Variants in HYKK observed in about 807,000 individuals in gnomAD.
HYKK encodes the protein hydroxylysine kinase, also known as 5-hydroxy-L-lysine kinase.
A neutral mutation model predicts 29.7 loss-of-function variants in HYKK; 19 were observed. That is an observed-to-expected ratio of 0.64 (90% confidence interval 0.45 to 0.94). The LOEUF is 0.94. Among genes scored for constraint, HYKK ranks in the 40% least tolerant of loss-of-function variants. The pLI is 0.00. For missense variants in HYKK, 390 were observed against 443.4 expected, an observed-to-expected ratio of 0.88 and a Z score of 1.08; for synonymous variants, 152 against 158.1, an observed-to-expected ratio of 0.96 and a Z score of 0.29.
At chr15:78,509,054 A>C (rs9672189) in intron 1 of HYKK, among the ~76,000 whole-genome samples, 6,590 of 152,054 alleles carry the variant, frequency 0.043, 470 homozygotes, top group African/African-American at 0.15. Flanking sequence ...AAAAACAAAA[A>C]AAAAAAAATT....
At chr15:78,526,939 T>C (rs1420221380) in intron 3 of HYKK, among the ~76,000 whole-genome samples, 1 of 152,118 alleles carries the variant, frequency 6.6e-6, no homozygotes, top group Non-Finnish European at 1.5e-5. Flanking sequence ...AGCACATCTC[T>C]TGTGACAGTG....
intron 1 of HYKK, among the ~76,000 whole-genome samples, chr15:78,512,349 A>G (rs2052081271): frequency 6.6e-6 from 1 of 151,638 alleles, no homozygotes. Context: ...GGACATAATC[A>G]TGGATTAGAA....
chr15:78,532,477 A>T (rs1445287171), intron 4 of HYKK, among the ~76,000 whole-genome samples: 1 of 152,192 alleles, frequency 6.6e-6, no homozygotes, highest in East Asian at 1.9e-4. Flanking sequence ...TAGAATTACC[A>T]TGTTATCAGA....
At position 78,534,900 on chromosome 15, in the gene HYKK, C is replaced by T. The variant is rs904752107; in HGVS notation, c.*1230C>T. 6.6e-6 allele frequency: 1 copy of T among 152,154 alleles called. No individual in the cohort carries two copies. The highest frequency in any genetic ancestry group is 1.5e-5 in the Non-Finnish European group (1 of 68,028). The allele number at this position is 152,154 out of a possible 1,614,324, so 9.4% of individuals were successfully genotyped here. ...GCATATAAGCATATATTTTTTAATT[C>T]TCTATAATCTGTTTCTTTTTGGATG... On this transcript the variant is annotated 3_prime_UTR_variant, in exon 5 of 5. Coordinates refer to ENST00000388988, the MANE Select transcript of HYKK (RefSeq NM_001013619.4).
In HYKK at chr15:78,512,698, A is replaced by C. The variant is rs2052086886; in HGVS notation, c.-5-386A>C. On this transcript the variant is annotated intron_variant, in intron 1 of 4. Transcript: ENST00000388988. ...ATTACAGGCTCGAGCCACCACGTCCAGCCCCAGAGCTGAATTCTTACTGTG... is the reference window on the plus strand; with the variant it reads ...ATTACAGGCTCGAGCCACCACGTCCCGCCCCAGAGCTGAATTCTTACTGTG... Among the ~76,000 whole-genome samples, 4 of 152,086 alleles carry C rather than the reference A, an allele frequency of 2.6e-5. No individual in the cohort carries two copies. The South Asian group carries it at 8.3e-4, about 32-fold the overall frequency.
intron 4 of HYKK, among the ~76,000 whole-genome samples, chr15:78,529,286 A>G (rs1203285129): frequency 6.6e-6 from 1 of 152,222 alleles, no homozygotes; most frequent in Non-Finnish European, 1.5e-5. Context: ...ATTCACTAAT[A>G]TACCACACAT....
rs528823063 is a variant in HYKK, at chr15:78,517,307, G to T, written c.477+2200G>T. Among the ~76,000 whole-genome samples the T allele has an allele frequency of 2.0e-5, 3 of 152,098 alleles. No homozygotes were observed. The East Asian group carries it at 5.8e-4, about 29-fold the overall frequency. ...CTTTCTCTTGAGGCCAGGCAAGGTG[G>T]CTCACACCTGTAATCCCAGCACTTT... On this transcript the variant is annotated intron_variant, in intron 3 of 4. Coordinates refer to ENST00000388988, the MANE Select transcript of HYKK (RefSeq NM_001013619.4).
At chr15:78,518,973 T>C (rs1053934000) in intron 3 of HYKK, among the ~76,000 whole-genome samples, 8 of 151,364 alleles carry the variant, frequency 5.3e-5, no homozygotes, top group Non-Finnish European at 1.0e-4. Context: ...TATTCATTTA[T>C]CCTTAGATCC....
intron 3 of HYKK, among the ~76,000 whole-genome samples, chr15:78,524,922 A>C (rs117669461): frequency 0.016 from 2,412 of 152,268 alleles, 23 homozygotes; most frequent in Non-Finnish European, 0.024. Flanking sequence ...AACCACCCCT[A>C]TGATCCAATC....
intron 4 of HYKK, among the ~76,000 whole-genome samples, chr15:78,529,359 C>T (rs1379618295): frequency 1.3e-5 from 2 of 152,144 alleles, no homozygotes; most frequent in Non-Finnish European, 2.9e-5. Flanking sequence ...ACAGTGGTGC[C>T]GTGAACATGC....
chr15:78,520,332 C>T (rs866620402), intron 3 of HYKK, among the ~76,000 whole-genome samples: 5 of 152,016 alleles, frequency 3.3e-5, no homozygotes, highest in Middle Eastern at 3.4e-3. Flanking sequence ...GGAAGGTCAG[C>T]AGATAAACAA....
At chr15:78,527,647 T>C in intron 4 of HYKK, 84 bp downstream of exon 4, 1 of 1,521,360 alleles carries the variant, frequency 6.6e-7, no homozygotes. Flanking sequence ...AGGTACAATT[T>C]AGCTTTATCA....
At chr15:78,510,994 AG>A (rs1162602506) in intron 1 of HYKK, among the ~76,000 whole-genome samples, 3 of 141,204 alleles carry the variant, frequency 2.1e-5, no homozygotes, top group Non-Finnish European at 4.5e-5. Context: ...TAAATAGAGA[AG>A]CGGGTCTCAT....
intron 1 of HYKK, among the ~76,000 whole-genome samples, chr15:78,509,949 A>G (rs934632256): frequency 1.6e-4 from 25 of 152,228 alleles, no homozygotes; most frequent in African/African-American, 5.5e-4. Flanking sequence ...GATCAGTGGC[A>G]CAAGCTATGC....
Position 78,535,290 on chromosome 15 carries a change from T to TTTTCTTTTC in HYKK, c.*1623_*1624insCTTTTCTTT, listed in dbSNP as rs67474723. ...TTTCTTTTTCTTTTCTTTTCTTTTC[T>TTTTCTTTTC]TTTTTTTTTTTTTTGGTGGTGGGGC... On this transcript the variant is annotated 3_prime_UTR_variant, in exon 5 of 5. Transcript: ENST00000388988. The TTTTCTTTTC allele has an allele frequency of 2.5e-4, 20 of 79,564 alleles. No homozygotes were observed. The highest frequency in any genetic ancestry group is 2.1e-3 in the Admixed American group (12 of 5,702). 4.9% of individuals were successfully genotyped at this position (79,564 alleles called of 1,614,324 possible). A position where few individuals can be genotyped will look rare whatever the true frequency, so the allele number is the denominator to read the frequency against.
intron 1 of HYKK, among the ~76,000 whole-genome samples, chr15:78,507,934 C>T (rs1172842336): frequency 6.6e-6 from 1 of 152,216 alleles, no homozygotes; most frequent in Non-Finnish European, 1.5e-5. Context: ...GAGGCCAGCC[C>T]TCCCGGGTCT....
chr15:78,527,702 A>G lies in HYKK; in HGVS notation c.661+139A>G, dbSNP rs943907593. On this transcript the variant is annotated intron_variant, in intron 4 of 4. Coordinates refer to ENST00000388988, the MANE Select transcript of HYKK (RefSeq NM_001013619.4). Reference sequence around the variant, plus strand: ...ATTTGCTCCTATTGCTTTTTAAATAATAATATTTTTACTTTCCTCAAAATT... The same window carrying G: ...ATTTGCTCCTATTGCTTTTTAAATAGTAATATTTTTACTTTCCTCAAAATT... 5.0e-6 allele frequency: 7 copies of G among 1,406,376 alleles called. No individual in the cohort carries two copies. In the African/African-American group the frequency reaches 1.0e-4, roughly 20 times the overall value. The allele number at this position is 1,406,376 out of a possible 1,614,324, so 87.1% of individuals were successfully genotyped here. A position where few individuals can be genotyped will look rare whatever the true frequency, so the allele number is the denominator to read the frequency against.
intron 4 of HYKK, among the ~76,000 whole-genome samples, chr15:78,530,258 T>C (rs1290057902): frequency 6.6e-6 from 1 of 151,176 alleles, no homozygotes; most frequent in Non-Finnish European, 1.5e-5. Flanking sequence ...TGGAGTGCAG[T>C]GGTGCAATCT....
rs753537686 is a variant in HYKK at position 78,513,406 on chromosome 15, A to C, written c.318A>C (p.Thr106=). The change falls in exon 2 of 5, where the codon ACA becomes ACC. Residue 106 remains threonine (T), a synonymous_variant. Transcript: ENST00000388988. ...TGTGTCACACTAAAGGAGACAACAC[A>C]GCTTCTCTCGTGTCTGTAGGTAAGA... ...ASVCHTKGDN[T]ASLVSVDSGS... is the part of the protein sequence containing the mutation. 1.9e-6 allele frequency: 3 copies of C among 1,613,034 alleles called. No individual in the cohort carries two copies. The highest frequency in any genetic ancestry group is 2.2e-5 in the South Asian group (2 of 91,008).
Sources: gnomAD v4.1 joint callset for allele counts (sites outside exome capture counted in the v4.1 genomes callset) on GRCh38, gnomAD v4.1.1 for gene constraint, MANE v1.5 for transcripts, NCBI Gene and HGNC (gene_info 2026-07-23, HGNC 2026-07-21) for gene names.